Variants in CAMKMT observed in about 807,000 individuals in gnomAD.
CAMKMT encodes the protein CaM KMT.
Under a neutral mutation model 48.0 loss-of-function variants are expected in CAMKMT, and 53 were observed. The ratio of observed to expected loss-of-function variants is 1.10; its 90% CI spans 0.89 to 1.39. The LOEUF is 1.39. Ranked by LOEUF, CAMKMT falls within the 40% of genes most tolerant of loss-of-function variation. The pLI is 0.00. For synonymous variants in CAMKMT, 165 were observed against 152.3 expected, an observed-to-expected ratio of 1.08 and a Z score of -0.61; for missense variants, 428 against 402.7, an observed-to-expected ratio of 1.06 and a Z score of -0.54.
intron 3 of CAMKMT, among the ~76,000 whole-genome samples, chr2:44,489,243 ATTT>A (rs11389463): frequency 0.079 from 8,506 of 107,750 alleles, 240 homozygotes; most frequent in Admixed American, 0.18. Context: ...ATGGAATACT[ATTT>A]TTTTTTTTTT....
chr2:44,661,798 T>G (rs1674694267), intron 3 of CAMKMT, among the ~76,000 whole-genome samples: 1 of 152,180 alleles, frequency 6.6e-6, no homozygotes, highest in Admixed American at 6.5e-5. Flanking sequence ...TATTAAGTAG[T>G]CTTAGTAGAC....
chr2:44,710,144 A>G (rs893194149), intron 6 of CAMKMT, among the ~76,000 whole-genome samples: 1 of 150,566 alleles, frequency 6.6e-6, no homozygotes, highest in Non-Finnish European at 1.5e-5. Context: ...TTTCCTTTTA[A>G]TTTTATATTA....
chr2:44,391,246 A>T (rs1290513573), intron 3 of CAMKMT, among the ~76,000 whole-genome samples: 2 of 152,172 alleles, frequency 1.3e-5, no homozygotes, highest in Non-Finnish European at 2.9e-5. Flanking sequence ...TAAGCTTTTG[A>T]TTTTATAGAA....
chr2:44,674,046 A>C (rs1675521146), intron 3 of CAMKMT, among the ~76,000 whole-genome samples: 1 of 152,190 alleles, frequency 6.6e-6, no homozygotes, highest in African/African-American at 2.4e-5. Context: ...CCTAAAGAAA[A>C]AAAGAAGTTT....
intron 3 of CAMKMT, among the ~76,000 whole-genome samples, chr2:44,419,792 A>C (rs1683805382): frequency 6.6e-6 from 1 of 152,192 alleles, no homozygotes; most frequent in African/African-American, 2.4e-5. Context: ...AAGAATTCAA[A>C]GCTATTGTGC....
intron 3 of CAMKMT, among the ~76,000 whole-genome samples, chr2:44,511,728 G>A (rs531273387): frequency 1.7e-4 from 26 of 152,290 alleles, no homozygotes; most frequent in African/African-American, 6.0e-4. Flanking sequence ...ACCATCTGGG[G>A]CTCTTGCTCC....
At chr2:44,471,751 G>A (rs1184595021) in intron 3 of CAMKMT, among the ~76,000 whole-genome samples, 1 of 152,130 alleles carries the variant, frequency 6.6e-6, no homozygotes, top group East Asian at 1.9e-4. Context: ...CTGTTGCCCA[G>A]ACTGTCTGCA....
intron 3 of CAMKMT, among the ~76,000 whole-genome samples, chr2:44,531,010 A>G (rs114387191): frequency 1.7e-3 from 252 of 152,084 alleles, no homozygotes; most frequent in Middle Eastern, 0.014. Flanking sequence ...ATATATACAT[A>G]TATGTATTAA....
chr2:44,734,091 C>CT (rs938133763), intron 7 of CAMKMT, among the ~76,000 whole-genome samples: 133 of 144,684 alleles, frequency 9.2e-4, no homozygotes, highest in South Asian at 3.5e-3. Context: ...TTTATTACTT[C>CT]TTTTTTTTTT....
intron 3 of CAMKMT, among the ~76,000 whole-genome samples, chr2:44,409,260 T>G (rs1683026924): frequency 6.6e-6 from 1 of 151,580 alleles, no homozygotes; most frequent in South Asian, 2.1e-4. Context: ...TCCGGCATTC[T>G]TGCAGGTATG....
At chr2:44,431,101 TTAAA>T (rs1371838510) in intron 3 of CAMKMT, among the ~76,000 whole-genome samples, 4 of 152,224 alleles carry the variant, frequency 2.6e-5, no homozygotes, top group African/African-American at 9.6e-5. Context: ...TAATATTGAT[TTAAA>T]TTAGGTCAGC....
chr2:44,379,164 C>T (rs555280700), intron 2 of CAMKMT, among the ~76,000 whole-genome samples: 1 of 152,284 alleles, frequency 6.6e-6, no homozygotes, highest in African/African-American at 2.4e-5. Flanking sequence ...TGGAATCCTA[C>T]AATATGTGGC....
At chr2:44,500,044 A>G (rs946163330) in intron 3 of CAMKMT, among the ~76,000 whole-genome samples, 6 of 152,214 alleles carry the variant, frequency 3.9e-5, no homozygotes, top group Admixed American at 2.0e-4. Flanking sequence ...AGCTTCAAGA[A>G]GTAAATACAA....
chr2:44,363,647 T>G (rs1315215083), intron 1 of CAMKMT, among the ~76,000 whole-genome samples: 1 of 150,868 alleles, frequency 6.6e-6, no homozygotes, highest in Non-Finnish European at 1.5e-5. Flanking sequence ...CCCAAAGTAC[T>G]GGGATTACAG....
chr2:44,413,802 A>G (rs971695022), intron 3 of CAMKMT, among the ~76,000 whole-genome samples: 1 of 152,256 alleles, frequency 6.6e-6, no homozygotes, highest in African/African-American at 2.4e-5. Flanking sequence ...ATGATGCTTT[A>G]AAAGGAGTTA....
intron 3 of CAMKMT, among the ~76,000 whole-genome samples, chr2:44,448,334 C>G (rs1667114034): frequency 6.6e-6 from 1 of 152,160 alleles, no homozygotes; most frequent in South Asian, 2.1e-4. Context: ...GTTCAAGGGT[C>G]AGCTATCTAT....
chr2:44,437,386 G>T (rs1666327546), intron 3 of CAMKMT, among the ~76,000 whole-genome samples: 1 of 152,188 alleles, frequency 6.6e-6, no homozygotes, highest in South Asian at 2.1e-4. Context: ...GCCCCAAGCA[G>T]GGTTACTGGG....
intron 3 of CAMKMT, among the ~76,000 whole-genome samples, chr2:44,475,882 T>G (rs1668663830): frequency 6.6e-6 from 1 of 152,206 alleles, no homozygotes. Context: ...GTGACTGCAT[T>G]CTCTGAGAAC....
At chr2:44,707,274 A>T (rs1677612622) in intron 5 of CAMKMT, 125 bp from the exon 6 acceptor site, 1 of 750,424 alleles carries the variant, frequency 1.3e-6, no homozygotes, top group Non-Finnish European at 2.3e-6. Context: ...ATGAAAAAAG[A>T]TTGAAGATTG....
Sources: allele counts gnomAD v4.1 joint callset (sites outside exome capture counted in the v4.1 genomes callset), GRCh38; gene constraint gnomAD v4.1.1; transcripts MANE v1.5; gene names NCBI Gene and HGNC (gene_info 2026-07-23, HGNC 2026-07-21).